The following KCNH5 variants were observed in gnomAD, a reference collection of about 807,000 sequenced individuals.
KCNH5 encodes the protein potassium voltage-gated channel subfamily H member 5, also known as voltage-gated delayed rectifier potassium channel KCNH5.
In KCNH5, 46 loss-of-function variants were observed where a neutral mutation model predicts 96.1. The ratio of observed to expected loss-of-function variants is 0.48; its 90% confidence interval spans 0.38 to 0.61. KCNH5 has a LOEUF of 0.61. Ranked by LOEUF, KCNH5 falls within the 20% of genes least tolerant of loss-of-function variation. The probability of loss-of-function intolerance (pLI) is 0.00; values close to 1 mark genes in which losing one functional copy is unlikely to be tolerated. For missense variants in KCNH5, 907 were observed against 1,225.8 expected, an observed-to-expected ratio of 0.74 and a Z score of 3.88; for synonymous variants, 439 against 449.8, an observed-to-expected ratio of 0.98 and a Z score of 0.30.
At chr14:62,805,417 A>G (rs193015591) in intron 8 of KCNH5, among the ~76,000 whole-genome samples, 1 of 152,208 alleles carries the variant, frequency 6.6e-6, no homozygotes, top group Non-Finnish European at 1.5e-5. Context: ...TCAAAAAGTG[A>G]CAAGGTAAAA....
At chr14:62,809,440 C>T (rs1400664467) in intron 8 of KCNH5, among the ~76,000 whole-genome samples, 1 of 151,874 alleles carries the variant, frequency 6.6e-6, no homozygotes, top group Non-Finnish European at 1.5e-5. Context: ...CTACACAGTC[C>T]CTTTACAGGG....
At chr14:62,834,912 T>C (rs1183473478) in intron 8 of KCNH5, among the ~76,000 whole-genome samples, 3 of 151,958 alleles carry the variant, frequency 2.0e-5, no homozygotes, top group Admixed American at 6.6e-5. Context: ...GCAAAGACCA[T>C]ATAACCCATA....
intron 10 of KCNH5, among the ~76,000 whole-genome samples, chr14:62,711,111 C>G (rs1342022213): frequency 2.0e-5 from 3 of 152,222 alleles, no homozygotes; most frequent in African/African-American, 7.2e-5. Flanking sequence ...TAATTGCTTG[C>G]AATTATTGTG....
intron 7 of KCNH5, among the ~76,000 whole-genome samples, chr14:62,947,893 C>T (rs542366712): frequency 1.6e-4 from 25 of 151,924 alleles, no homozygotes; most frequent in East Asian, 1.4e-3. Context: ...TAGTTACATA[C>T]GTATACATGT....
In KCNH5 at chr14:62,704,137, T is replaced by C. The variant is rs1884388876; in HGVS notation, c.*3371A>G. 6.6e-6 allele frequency: 1 copy of C among 151,902 alleles called. No individual in the cohort carries two copies. Among genetic ancestry groups the C allele is most frequent in the Non-Finnish European group, 1.5e-5 (1 of 67,810 alleles). 9.4% of individuals were successfully genotyped at this position (151,902 alleles called of 1,614,324 possible). ...CACAACTAATTTTCCTATTAAAGTGTTGAGTACAACAGAAGTACACATTTT... is the reference window on the plus strand; with the variant it reads ...CACAACTAATTTTCCTATTAAAGTGCTGAGTACAACAGAAGTACACATTTT... On this transcript the variant is annotated 3_prime_UTR_variant, in exon 11 of 11. Transcript: ENST00000322893.
intron 7 of KCNH5, among the ~76,000 whole-genome samples, chr14:62,857,823 G>C (rs560351724): frequency 9.9e-5 from 15 of 152,118 alleles, no homozygotes; most frequent in African/African-American, 3.4e-4. Flanking sequence ...TCAATACTTT[G>C]CATCCTTCAA....
At chr14:62,883,148 C>G (rs1888527095) in intron 7 of KCNH5, among the ~76,000 whole-genome samples, 1 of 152,146 alleles carries the variant, frequency 6.6e-6, no homozygotes, top group Non-Finnish European at 1.5e-5. Flanking sequence ...ATAGCAGATG[C>G]CTGCTTTCTG....
chr14:62,855,284 T>G (rs1465336875), intron 7 of KCNH5, among the ~76,000 whole-genome samples: 2 of 152,170 alleles, frequency 1.3e-5, no homozygotes, highest in Non-Finnish European at 2.9e-5. Context: ...CATTCCGTTT[T>G]TTCTTTTCAT....
At chr14:62,919,914 C>T (rs970664502) in intron 7 of KCNH5, among the ~76,000 whole-genome samples, 1 of 151,962 alleles carries the variant, frequency 6.6e-6, no homozygotes, top group Admixed American at 6.6e-5. Context: ...TCAGCGAAGG[C>T]GTACCAGAGA....
intron 3 of KCNH5, 118 bp from the exon 4 acceptor site, chr14:63,001,577 CA>C (rs1170354941): frequency 2.3e-6 from 2 of 853,260 alleles, no homozygotes; most frequent in Admixed American, 5.6e-5. Flanking sequence ...GAATCAACAC[CA>C]AAACAACAGT....
intron 7 of KCNH5, among the ~76,000 whole-genome samples, chr14:62,870,907 C>G (rs1888241194): frequency 6.6e-6 from 1 of 152,112 alleles, no homozygotes; most frequent in Non-Finnish European, 1.5e-5. Context: ...GTCAAGATTC[C>G]AACACAGGTA....
At chr14:62,953,942 T>C (rs1890053180) in intron 6 of KCNH5, among the ~76,000 whole-genome samples, 2 of 152,180 alleles carry the variant, frequency 1.3e-5, no homozygotes, top group Admixed American at 1.3e-4. Context: ...ACTCTTTTCA[T>C]GTTGGCTCAT....
At chr14:62,948,096 C>T (rs1027994073) in intron 7 of KCNH5, among the ~76,000 whole-genome samples, 11 of 151,592 alleles carry the variant, frequency 7.3e-5, no homozygotes, top group African/African-American at 1.9e-4. Context: ...TTTGTTCTTG[C>T]GATAGTTTAC....
intron 9 of KCNH5, among the ~76,000 whole-genome samples, chr14:62,782,048 G>A (rs1208340706): frequency 6.6e-6 from 1 of 152,158 alleles, no homozygotes; most frequent in African/African-American, 2.4e-5. Context: ...ACGTTCTTCT[G>A]CCATGGCTTC....
chr14:62,776,198 CGGA>C (rs1179289441), intron 10 of KCNH5, among the ~76,000 whole-genome samples: 1 of 151,754 alleles, frequency 6.6e-6, no homozygotes, highest in African/African-American at 2.4e-5. Context: ...ACCCAGGAGG[CGGA>C]GGTTGCAGTG....
intron 7 of KCNH5, among the ~76,000 whole-genome samples, chr14:62,905,234 C>T (rs1450995811): frequency 6.6e-6 from 1 of 152,160 alleles, no homozygotes; most frequent in African/African-American, 2.4e-5. Flanking sequence ...ACAATTAAAC[C>T]TCTTTTGTTT....
At chr14:62,812,219 A>G (rs1167175967) in intron 8 of KCNH5, among the ~76,000 whole-genome samples, 1 of 152,194 alleles carries the variant, frequency 6.6e-6, no homozygotes, top group Non-Finnish European at 1.5e-5. Context: ...AAATTATTTA[A>G]GGTCCAATTG....
intron 10 of KCNH5, among the ~76,000 whole-genome samples, chr14:62,735,634 G>A (rs1403932075): frequency 6.6e-6 from 1 of 152,048 alleles, no homozygotes; most frequent in Non-Finnish European, 1.5e-5. Flanking sequence ...ACTTCTCACC[G>A]ATACCACTCT....
At chr14:62,811,789 G>T (rs1041931435) in intron 8 of KCNH5, among the ~76,000 whole-genome samples, 1 of 151,958 alleles carries the variant, frequency 6.6e-6, no homozygotes, top group African/African-American at 2.4e-5. Flanking sequence ...CAGAAGCTTC[G>T]CTGGAAAGGC....
Sources: allele counts gnomAD v4.1 joint callset (sites outside exome capture counted in the v4.1 genomes callset), GRCh38; gene constraint gnomAD v4.1.1; transcripts MANE v1.5; gene names NCBI Gene and HGNC (gene_info 2026-07-23, HGNC 2026-07-21).